Variants in FARS2 observed in about 807,000 individuals in gnomAD.
FARS2 encodes the protein phenylalanyl-tRNA synthetase 2, mitochondrial.
Under a neutral mutation model 46.4 loss-of-function variants are expected in FARS2, and 40 were observed. The observed-to-expected ratio is 0.86, with a 90% CI of 0.67 to 1.12. The LOEUF (loss-of-function observed/expected upper bound fraction) is 1.12. Ranked by LOEUF, FARS2 falls within the 50% of genes most tolerant of loss-of-function variation. The probability of loss-of-function intolerance (pLI) is 0.00; values close to 1 mark genes in which losing one functional copy is unlikely to be tolerated. For missense variants in FARS2, 513 were observed against 567.9 expected (o/e 0.90, Z 0.98); for synonymous variants, 234 against 214.9 (o/e 1.09, Z -0.78).
intron 6 of FARS2, among the ~76,000 whole-genome samples, chr6:5,667,466 C>T (rs866936363): frequency 2.0e-5 from 3 of 150,900 alleles, no homozygotes; most frequent in Non-Finnish European, 4.4e-5. Flanking sequence ...TGCAATGAGC[C>T]GAGATCACGC....
intron 5 of FARS2, among the ~76,000 whole-genome samples, chr6:5,607,285 ATGTGTGTGTGTGTGTGTGTGTG>A (rs200898031): frequency 4.0e-5 from 3 of 74,986 alleles, no homozygotes; most frequent in East Asian, 1.3e-3. Flanking sequence ...AATAATATGT[ATGTGTGTGTGTGTGTGTGTGTG>A]TGTGTGTGTG....
At chr6:5,473,395 C>T (rs941119182) in intron 4 of FARS2, among the ~76,000 whole-genome samples, 10 of 152,040 alleles carry the variant, frequency 6.6e-5, no homozygotes, top group Admixed American at 2.6e-4. Context: ...GGAATGGTGG[C>T]GTGTGCCTGT....
chr6:5,474,889 A>G (rs1766031332), intron 4 of FARS2, among the ~76,000 whole-genome samples: 1 of 151,904 alleles, frequency 6.6e-6, no homozygotes, highest in African/African-American at 2.4e-5. Flanking sequence ...TGAACTCCTG[A>G]CCTCGTGATC....
chr6:5,746,894 T>C (rs1246451004), intron 6 of FARS2, among the ~76,000 whole-genome samples: 1 of 152,140 alleles, frequency 6.6e-6, no homozygotes, highest in East Asian at 1.9e-4. Flanking sequence ...GACCATAAAA[T>C]AAATGGGAAA....
chr6:5,591,098 C>T (rs1773893072), intron 5 of FARS2, among the ~76,000 whole-genome samples: 1 of 152,124 alleles, frequency 6.6e-6, no homozygotes, highest in Non-Finnish European at 1.5e-5. Flanking sequence ...GTTTATTGGA[C>T]CTTTGGGGAT....
intron 4 of FARS2, 41 bp downstream of exon 4, chr6:5,431,213 G>A (rs1763147656): frequency 1.9e-6 from 3 of 1,607,056 alleles, no homozygotes; most frequent in Non-Finnish European, 1.7e-6. Context: ...GTGCTCTAAA[G>A]GAACCCTCCC....
intron 5 of FARS2, among the ~76,000 whole-genome samples, chr6:5,567,390 A>G (rs1404126872): frequency 6.6e-6 from 1 of 152,088 alleles, no homozygotes; most frequent in East Asian, 1.9e-4. Context: ...TATATTTTTA[A>G]AAGGAAATCA....
intron 6 of FARS2, among the ~76,000 whole-genome samples, chr6:5,758,214 G>T (rs79223444): frequency 0.02 from 3,054 of 151,494 alleles, 46 homozygotes; most frequent in African/African-American, 0.029. Context: ...TTTTTTTAAA[G>T]AATTTTTATA....
At position 5,596,556 on chromosome 6, in the gene FARS2, T is replaced by G. The variant is rs111324854; in HGVS notation, c.1066-16613T>G. Among the ~76,000 whole-genome samples the G allele has an allele frequency of 1.5e-3, 221 of 152,336 alleles. 3 individuals carry two copies. In the South Asian group the frequency reaches 0.023, roughly 16 times the overall value. On this transcript the variant is annotated intron_variant, in intron 5 of 6. Coordinates refer to ENST00000274680, the MANE Select transcript of FARS2 (RefSeq NM_006567.5). ...ATTAATCATTAAAGGGCTTGGAATT[T>G]TAGCTCTTAATTGATGATTTTGCTT...
At chr6:5,453,139 C>G (rs1230394590) in intron 4 of FARS2, among the ~76,000 whole-genome samples, 1 of 152,078 alleles carries the variant, frequency 6.6e-6, no homozygotes, top group Non-Finnish European at 1.5e-5. Flanking sequence ...CTTAACTATT[C>G]AATTTATTTA....
intron 4 of FARS2, among the ~76,000 whole-genome samples, chr6:5,522,296 C>T (rs1769190831): frequency 6.6e-6 from 1 of 152,202 alleles, no homozygotes; most frequent in Non-Finnish European, 1.5e-5. Flanking sequence ...GCTTAGATGC[C>T]ACTAGCAAGA....
intron 6 of FARS2, among the ~76,000 whole-genome samples, chr6:5,664,134 T>C (rs74902394): frequency 6.6e-6 from 1 of 152,338 alleles, no homozygotes; most frequent in East Asian, 1.9e-4. Context: ...AACTTTTTCA[T>C]TTTAGAAACA....
chr6:5,443,041 T>A (rs964140229), intron 4 of FARS2, among the ~76,000 whole-genome samples: 3 of 152,250 alleles, frequency 2.0e-5, no homozygotes, highest in African/African-American at 7.2e-5. Flanking sequence ...GTCCTGTATG[T>A]TCATTTCAAT....
At position 5,530,287 on chromosome 6, in the gene FARS2, G is replaced by A. The variant is rs140811413; in HGVS notation, c.905-14893G>A. Among the ~76,000 whole-genome samples, 146 of 152,058 alleles carry A rather than the reference G, an allele frequency of 9.6e-4. 3 individuals are homozygous for A. In the East Asian group the frequency reaches 0.023, roughly 24 times the overall value. ...TGAGGAACATTTCTATAAAACAAGCGGCCAGGATTCTCCAAAATGTCAATG... is the reference window on the plus strand; with the variant it reads ...TGAGGAACATTTCTATAAAACAAGCAGCCAGGATTCTCCAAAATGTCAATG... On this transcript the variant is annotated intron_variant, in intron 4 of 6. Coordinates refer to ENST00000274680, the MANE Select transcript of FARS2 (RefSeq NM_006567.5).
intron 1 of FARS2, among the ~76,000 whole-genome samples, chr6:5,296,347 T>A (rs548277663): frequency 1.3e-5 from 2 of 152,050 alleles, no homozygotes; most frequent in Admixed American, 1.3e-4. Context: ...TTCACTGTGT[T>A]AGCCAGGATG....
intron 6 of FARS2, among the ~76,000 whole-genome samples, chr6:5,707,058 A>T (rs1758806247): frequency 6.6e-6 from 1 of 152,114 alleles, no homozygotes; most frequent in Non-Finnish European, 1.5e-5. Context: ...GCTTGCTCTC[A>T]CTCACTTCTA....
chr6:5,459,711 G>T (rs1241102809), intron 4 of FARS2, among the ~76,000 whole-genome samples: 1 of 152,054 alleles, frequency 6.6e-6, no homozygotes, highest in Non-Finnish European at 1.5e-5. Context: ...CTAGCTTAAG[G>T]AGTCAAATCA....
chr6:5,596,578 G>A (rs142356558), intron 5 of FARS2, among the ~76,000 whole-genome samples: 1 of 152,288 alleles, frequency 6.6e-6, no homozygotes, highest in African/African-American at 2.4e-5. Context: ...TGATGATTTT[G>A]CTTGTTCATA....
intron 5 of FARS2, among the ~76,000 whole-genome samples, chr6:5,576,582 ATATACTCTATATAT>A (rs1772983353): frequency 6.8e-6 from 1 of 147,258 alleles, no homozygotes; most frequent in African/African-American, 2.5e-5. Flanking sequence ...TATCTATGAT[ATATACTCTATATAT>A]GATATATTAT....
Sources: gnomAD v4.1 joint callset for allele counts (sites outside exome capture counted in the v4.1 genomes callset) on GRCh38, gnomAD v4.1.1 for gene constraint, MANE v1.5 for transcripts, NCBI Gene and HGNC (gene_info 2026-07-23, HGNC 2026-07-21) for gene names.